The following TDRD9 variants were observed in gnomAD, a reference collection of about 807,000 sequenced individuals.
TDRD9 encodes the protein tudor domain containing 9.
A neutral mutation model predicts 172.6 loss-of-function variants in TDRD9; 124 were observed. The ratio of observed to expected loss-of-function variants is 0.72; its 90% CI spans 0.62 to 0.83. The LOEUF is 0.83. Among genes scored for constraint, TDRD9 ranks in the 40% least tolerant of loss-of-function variants. TDRD9 has a pLI of 0.00. For synonymous variants in TDRD9, 619 were observed against 617.1 expected (o/e 1.00, Z -0.05); for missense variants, 1,479 against 1,714.1 (o/e 0.86, Z 2.42).
intron 1 of TDRD9, chr14:103,928,955 A>G (rs372731753): frequency 0.01 from 2,201 of 210,114 alleles, 65 homozygotes; most frequent in African/African-American, 0.056. Flanking sequence ...TCAGTTCTTA[A>G]TGTTTAACAG....
chr14:103,970,713 G>T, intron 6 of TDRD9, 92 bp downstream of exon 6: 1 of 1,011,584 alleles, frequency 9.9e-7, no homozygotes. Context: ...TGTCTATAGA[G>T]CATTCTGGGA....
chr14:103,994,631 A>G, intron 11 of TDRD9, 28 bp downstream of exon 11: 1 of 1,586,012 alleles, frequency 6.3e-7, no homozygotes, highest in Non-Finnish European at 8.6e-7. Flanking sequence ...ACAAGTTCTA[A>G]GCACTTTAGG....
chr14:103,994,700 CGT>C, intron 11 of TDRD9, 97 bp downstream of exon 11: 1 of 977,792 alleles, frequency 1.0e-6, no homozygotes, highest in Non-Finnish European at 1.6e-6. Context: ...GTGGCTCATG[CGT>C]GTGTTTCCAG....
At chr14:104,035,804 G>A (rs1260912022) in intron 32 of TDRD9, among the ~76,000 whole-genome samples, 2 of 152,088 alleles carry the variant, frequency 1.3e-5, no homozygotes, top group East Asian at 1.9e-4. Context: ...TTCAAGAGTC[G>A]GGGGCATGGA....
intron 14 of TDRD9, among the ~76,000 whole-genome samples, chr14:104,004,852 A>G (rs369286029): frequency 5.3e-5 from 8 of 152,232 alleles, no homozygotes; most frequent in Non-Finnish European, 7.4e-5. Context: ...TCTGGTATCT[A>G]TGGGCTCTAT....
At chr14:104,036,038 A>G (rs1187488423) in intron 32 of TDRD9, among the ~76,000 whole-genome samples, 1 of 152,102 alleles carries the variant, frequency 6.6e-6, no homozygotes, top group East Asian at 1.9e-4. Context: ...TGCTACTTAG[A>G]AAAAGCTGAA....
At chr14:104,051,741 G>A (rs2035940620) in intron 35 of TDRD9, among the ~76,000 whole-genome samples, 1 of 152,184 alleles carries the variant, frequency 6.6e-6, no homozygotes, top group Non-Finnish European at 1.5e-5. Context: ...TGGCCCTTCA[G>A]TGTCTTCTTT....
chr14:103,963,723 C>T (rs1431273605), intron 3 of TDRD9, among the ~76,000 whole-genome samples: 2 of 152,144 alleles, frequency 1.3e-5, no homozygotes, highest in African/African-American at 4.8e-5. Context: ...GTAAGCGTAT[C>T]GGAACCTTTA....
intron 1 of TDRD9, among the ~76,000 whole-genome samples, chr14:103,944,370 T>C (rs1389830261): frequency 1.3e-5 from 2 of 152,218 alleles, no homozygotes; most frequent in Non-Finnish European, 2.9e-5. Context: ...TTTGTGTTTT[T>C]CATGTATCCA....
intron 28 of TDRD9, among the ~76,000 whole-genome samples, chr14:104,028,363 CT>C (rs1288972369): frequency 6.6e-6 from 1 of 152,040 alleles, no homozygotes; most frequent in Non-Finnish European, 1.5e-5. Flanking sequence ...TATTTTTTGT[CT>C]TTTTGATAAT....
Position 103,952,729 on chromosome 14 carries a change from C to CTTTTTTT in TDRD9, c.216-2915_216-2909dup, listed in dbSNP as rs68192057. Among the ~76,000 whole-genome samples the CTTTTTTT allele has an allele frequency of 3.2e-4, 23 of 72,312 alleles. 2 individuals are homozygous for CTTTTTTT. The highest frequency in any genetic ancestry group is 6.0e-4 in the African/African-American group (10 of 16,678). The allele number at this position is 72,312 out of a possible 152,430, so 47.4% of individuals were successfully genotyped here. A position where few individuals can be genotyped will look rare whatever the true frequency, so the allele number is the denominator to read the frequency against. On this transcript the variant is annotated intron_variant, in intron 1 of 35. Transcript: ENST00000409874. ...TTAGTGATTTATAGGAATTCTCTCT[C>CTTTTTTT]TTTTTTTTTTTTTTTTTTTTTTTTT...
intron 9 of TDRD9, among the ~76,000 whole-genome samples, chr14:103,993,863 A>C (rs1467408898): frequency 6.6e-6 from 1 of 152,252 alleles, no homozygotes; most frequent in African/African-American, 2.4e-5. Context: ...AACCCATAAC[A>C]GACTCAGATT....
At chr14:103,940,885 ACG>A (rs2152119610) in intron 1 of TDRD9, 1 of 1,535,268 alleles carries the variant, frequency 6.5e-7, no homozygotes, top group South Asian at 1.2e-5. Flanking sequence ...GTTTTTGTCT[ACG>A]TAACTGGAAA....
chr14:103,946,438 C>T (rs1185265435), intron 1 of TDRD9, among the ~76,000 whole-genome samples: 5 of 152,180 alleles, frequency 3.3e-5, no homozygotes, highest in Non-Finnish European at 5.9e-5. Context: ...AAGCCCACAG[C>T]TAACATCATA....
intron 7 of TDRD9, among the ~76,000 whole-genome samples, chr14:103,983,018 A>G (rs910445897): frequency 2.0e-5 from 3 of 150,442 alleles, no homozygotes; most frequent in African/African-American, 7.4e-5. Context: ...CCAGTAGTAG[A>G]GCATGCCCCC....
chr14:104,001,710 G>A (rs971720202), intron 13 of TDRD9, among the ~76,000 whole-genome samples: 4 of 152,270 alleles, frequency 2.6e-5, no homozygotes, highest in African/African-American at 4.8e-5. Context: ...CTGGGTTTAA[G>A]CAATTCTCCT....
chr14:104,006,934 CA>C (rs2034459945), intron 18 of TDRD9, 89 bp downstream of exon 18: 1 of 1,192,826 alleles, frequency 8.4e-7, no homozygotes, highest in African/African-American at 1.5e-5. Flanking sequence ...TAGAGACAGA[CA>C]ATGTTTTATC....
At chr14:104,047,006 G>A (rs1215071628) in intron 34 of TDRD9, among the ~76,000 whole-genome samples, 1 of 152,052 alleles carries the variant, frequency 6.6e-6, no homozygotes, top group Non-Finnish European at 1.5e-5. Context: ...GCAAATTTTT[G>A]GATCAGCTTG....
intron 25 of TDRD9, among the ~76,000 whole-genome samples, chr14:104,025,360 C>G (rs1162187821): frequency 6.6e-6 from 1 of 152,198 alleles, no homozygotes; most frequent in African/African-American, 2.4e-5. Flanking sequence ...ATATTCCACA[C>G]ATTTCCTTAC....
Sources: gnomAD v4.1 joint callset for allele counts (sites outside exome capture counted in the v4.1 genomes callset) on GRCh38, gnomAD v4.1.1 for gene constraint, MANE v1.5 for transcripts, NCBI Gene and HGNC (gene_info 2026-07-23, HGNC 2026-07-21) for gene names.